Variants in TNRC6B observed in about 807,000 individuals in gnomAD.
TNRC6B encodes the protein trinucleotide repeat containing adaptor 6B, also known as trinucleotide repeat-containing gene 6B protein.
TNRC6B carries 52 observed loss-of-function variants against 203.6 expected under a neutral mutation model. That is an observed-to-expected ratio of 0.26 (90% CI 0.20 to 0.32). TNRC6B has a LOEUF of 0.32. TNRC6B is among the 10% of genes least tolerant of loss of function. The pLI is 1.00. For synonymous variants in TNRC6B, 838 were observed against 845.7 expected (o/e 0.99, Z 0.16); for missense variants, 1,923 against 2,286.2 (o/e 0.84, Z 3.24).
chr22:40,308,568 G>A lies in TNRC6B; in HGVS notation c.4177G>A (p.Glu1393Lys), dbSNP rs555013829. 2.5e-6 allele frequency: 4 copies of A among 1,613,842 alleles called. No individual in the cohort carries two copies. The highest frequency in any genetic ancestry group is 8.5e-7 in the Non-Finnish European group (1 of 1,179,904). ...GMVGGKEAGT[E>K]SRFKQWTSMM... ...GGTTGGTGGGAAGGAGGCTGGAACC[G>A]AGTCTCGCTTTAAACAGTGGACCTC... The change falls in exon 16 of 23, where the codon GAG becomes AAG. Residue 1393 changes from glutamate to lysine, a missense_variant. This residue lies in a region of TNRC6B where 242 missense variants were observed against 399.5 expected (regional missense o/e 0.61). Transcript: ENST00000454349.
chr22:40,201,054 T>C (rs1383234951), intron 1 of TNRC6B, among the ~76,000 whole-genome samples: 1 of 152,188 alleles, frequency 6.6e-6, no homozygotes, highest in Non-Finnish European at 1.5e-5. Context: ...GTGATACACG[T>C]AGGGTGCTAT....
At position 40,329,136 on chromosome 22, in the gene TNRC6B, G is replaced by T. The variant is rs2071437394; in HGVS notation, c.*5895G>T. The T allele has an allele frequency of 6.6e-6, 1 of 152,246 alleles. No homozygotes were observed. Among genetic ancestry groups the T allele is most frequent in the Non-Finnish European group, 1.5e-5 (1 of 68,042 alleles). 9.4% of individuals were successfully genotyped at this position (152,246 alleles called of 1,614,324 possible). A position where few individuals can be genotyped will look rare whatever the true frequency, so the allele number is the denominator to read the frequency against. ...TGCGGATGAAAATATTCTGGTCTGT[G>T]TGTATACAATGAATTGTCAGTCTTC... On this transcript the variant is annotated 3_prime_UTR_variant, in exon 23 of 23. Coordinates refer to ENST00000454349, the MANE Select transcript of TNRC6B (RefSeq NM_001162501.2).
intron 1 of TNRC6B, among the ~76,000 whole-genome samples, chr22:40,103,222 C>T (rs1485764022): frequency 1.3e-5 from 2 of 151,474 alleles, no homozygotes; most frequent in African/African-American, 2.4e-5. Flanking sequence ...GAGCTCTGCT[C>T]GTGCCACTGC....
intron 1 of TNRC6B, among the ~76,000 whole-genome samples, chr22:40,076,353 G>A (rs1436944355): frequency 1.3e-5 from 2 of 152,212 alleles, no homozygotes; most frequent in African/African-American, 2.4e-5. Flanking sequence ...GGTTGAGGCT[G>A]CAGTGAGCCA....
intron 1 of TNRC6B, among the ~76,000 whole-genome samples, chr22:40,184,149 T>C (rs2069172784): frequency 6.6e-6 from 1 of 152,252 alleles, no homozygotes; most frequent in South Asian, 2.1e-4. Flanking sequence ...TGTTTACTCA[T>C]TCATTCTGCA....
At chr22:40,221,760 CCT>C (rs1491442287) in intron 1 of TNRC6B, among the ~76,000 whole-genome samples, 102 of 122,004 alleles carry the variant, frequency 8.4e-4, no homozygotes, top group Admixed American at 5.4e-3. Context: ...TGCCCCCCCC[CCT>C]TTTTTTTTTT....
intron 1 of TNRC6B, among the ~76,000 whole-genome samples, chr22:40,092,845 A>G (rs1005984362): frequency 1.1e-4 from 17 of 152,222 alleles, no homozygotes; most frequent in Admixed American, 3.3e-4. Flanking sequence ...TGTAATGTAA[A>G]TGTAATTAGA....
At chr22:40,075,150 ATATATATTT>A (rs2067996222) in intron 1 of TNRC6B, among the ~76,000 whole-genome samples, 1 of 69,334 alleles carries the variant, frequency 1.4e-5, no homozygotes, top group South Asian at 4.7e-4. Flanking sequence ...ATATATATAT[ATATATATTT>A]TTTTTTTTTT....
At chr22:40,133,860 C>T (rs1366982283) in intron 3 of TNRC6B, among the ~76,000 whole-genome samples, 1 of 149,412 alleles carries the variant, frequency 6.7e-6, no homozygotes, top group African/African-American at 2.5e-5. Context: ...ATCCCAGCTT[C>T]TCGGGAGGCT....
intron 3 of TNRC6B, among the ~76,000 whole-genome samples, chr22:40,130,391 AGAGT>A (rs2068530782): frequency 6.6e-6 from 1 of 152,178 alleles, no homozygotes; most frequent in African/African-American, 2.4e-5. Flanking sequence ...GGTAGAGTGT[AGAGT>A]ACACAGTTGA....
At chr22:40,290,948 A>G (rs769321268) in intron 12 of TNRC6B, among the ~76,000 whole-genome samples, 12 of 152,176 alleles carry the variant, frequency 7.9e-5, no homozygotes, top group Non-Finnish European at 1.5e-4. Flanking sequence ...CTACCCAAAA[A>G]AGAAAATTAC....
intron 20 of TNRC6B, 70 bp from the exon 21 acceptor site, chr22:40,315,872 C>A (rs1158495034): frequency 1.7e-6 from 2 of 1,163,684 alleles, no homozygotes; most frequent in Non-Finnish European, 2.5e-6. Context: ...ACATGAAAAT[C>A]TTTCTCCCTC....
chr22:40,292,789 G>A (rs969526863), intron 12 of TNRC6B, among the ~76,000 whole-genome samples: 5 of 152,174 alleles, frequency 3.3e-5, no homozygotes, highest in Non-Finnish European at 7.3e-5. Flanking sequence ...AGTTGAGCAC[G>A]GCTGGGATAG....
intron 2 of TNRC6B, among the ~76,000 whole-genome samples, chr22:40,248,012 T>A (rs1248747309): frequency 6.6e-6 from 1 of 151,162 alleles, no homozygotes; most frequent in Non-Finnish European, 1.5e-5. Context: ...GAGGGGGAGG[T>A]TGCATTGAGT....
At chr22:40,173,558 A>ACTCCGGAGTAGCTAG (rs2069024558), upstream of TNRC6B, among the ~76,000 whole-genome samples, 1 of 150,480 alleles carries the variant, frequency 6.6e-6, no homozygotes, top group Admixed American at 6.7e-5. Flanking sequence ...GACCACAGGC[A>ACTCCGGAGTAGCTAG]TACCCCACCA....
chr22:40,241,892 T>C (rs1455919534), intron 1 of TNRC6B, among the ~76,000 whole-genome samples: 1 of 152,230 alleles, frequency 6.6e-6, no homozygotes, highest in East Asian at 1.9e-4. Flanking sequence ...TATTTTGATG[T>C]TGATGTTGTT....
chr22:40,319,667 G>C (rs889585441), intron 21 of TNRC6B, among the ~76,000 whole-genome samples: 2 of 151,994 alleles, frequency 1.3e-5, no homozygotes. Flanking sequence ...CTCGTGATCT[G>C]CCCACCTCAG....
intron 1 of TNRC6B, among the ~76,000 whole-genome samples, chr22:40,060,595 TACTTAGGAGAACAC>T (rs537123029): frequency 7.9e-4 from 121 of 152,326 alleles, no homozygotes; most frequent in African/African-American, 2.8e-3. Flanking sequence ...GTTCAGTGAT[TACTTAGGAGAACAC>T]ACAGGGCCCA....
At chr22:40,322,769 T>A in intron 22 of TNRC6B, 85 bp from the exon 23 acceptor site, 1 of 1,499,368 alleles carries the variant, frequency 6.7e-7, no homozygotes, top group Non-Finnish European at 9.1e-7. Flanking sequence ...GACTGCACAT[T>A]GAATGTCAAG....
Sources: gnomAD v4.1 joint callset for allele counts (sites outside exome capture counted in the v4.1 genomes callset) on GRCh38, gnomAD v4.1.1 for gene constraint, gnomAD v4.1.1 regional missense constraint, MANE v1.5 for transcripts, NCBI Gene and HGNC (gene_info 2026-07-23, HGNC 2026-07-21) for gene names.